Variants in HNRNPC observed in about 807,000 individuals in gnomAD.
The protein encoded by HNRNPC is heterogeneous nuclear ribonucleoprotein C.
Under a neutral mutation model 33.2 loss-of-function variants are expected in HNRNPC, and 3 were observed. The observed-to-expected ratio is 0.09, with a 90% confidence interval of 0.04 to 0.23. The LOEUF is 0.23. Ranked by LOEUF, HNRNPC falls within the 10% of genes least tolerant of loss-of-function variation. The pLI is 1.00. For synonymous variants in HNRNPC, 121 were observed against 126.7 expected, an observed-to-expected ratio of 0.96 and a Z score of 0.30; for missense variants, 143 against 366.7, an observed-to-expected ratio of 0.39 and a Z score of 4.98.
In HNRNPC at chr14:21,211,173, C is replaced by A. The variant is rs763684458; in HGVS notation, c.*50G>T. On this transcript the variant is annotated 3_prime_UTR_variant, in exon 9 of 9. Coordinates refer to ENST00000553300, the MANE Select transcript of HNRNPC (RefSeq NM_004500.4). ...GGTGAAAAATTTGATCTTAGACAAG[C>A]GCCTAGGTAAAGAAATAATGGGATA... 1.3e-6 allele frequency: 2 copies of A among 1,568,316 alleles called. No homozygotes were observed. Among genetic ancestry groups the A allele is most frequent in the Non-Finnish European group, 8.7e-7 (1 of 1,143,080 alleles).
chr14:21,227,592 G>A (rs1031462270), intron 5 of HNRNPC, among the ~76,000 whole-genome samples: 1 of 152,132 alleles, frequency 6.6e-6, no homozygotes, highest in Non-Finnish European at 1.5e-5. Context: ...ATATATTGTT[G>A]TCTATTGAAA....
intron 2 of HNRNPC, among the ~76,000 whole-genome samples, chr14:21,236,769 A>G (rs1056466671): frequency 6.6e-6 from 1 of 152,194 alleles, no homozygotes; most frequent in African/African-American, 2.4e-5. Flanking sequence ...ACTACTGGAA[A>G]AGAACTGGGA....
chr14:21,254,933 CA>C (rs78136622), intron 2 of HNRNPC, among the ~76,000 whole-genome samples: 36 of 133,048 alleles, frequency 2.7e-4, no homozygotes, highest in African/African-American at 3.6e-4. Context: ...AAAAAAAAAA[CA>C]AAAAAAAAAA....
At position 21,237,771 on chromosome 14, in the gene HNRNPC, AT is replaced by A. The variant is rs910725542; in HGVS notation, c.-36-3543del. Among the ~76,000 whole-genome samples, 813 of 149,732 alleles carry A rather than the reference AT, an allele frequency of 5.4e-3. 4 individuals carry two copies. The highest frequency in any genetic ancestry group is 0.012 in the African/African-American group (477 of 40,928). ...TAAGTAAAACAAACTCCTTGATCAC[AT>A]TTTTTTTTTAATTTTTTTGAGTTGG... On this transcript the variant is annotated intron_variant, in intron 2 of 8. Coordinates refer to ENST00000553300, the MANE Select transcript of HNRNPC (RefSeq NM_004500.4).
chr14:21,257,132 T>A (rs1055611060), intron 2 of HNRNPC, among the ~76,000 whole-genome samples: 1 of 152,184 alleles, frequency 6.6e-6, no homozygotes, highest in Non-Finnish European at 1.5e-5. Context: ...AGTTGACATA[T>A]TGGATATTCA....
intron 5 of HNRNPC, among the ~76,000 whole-genome samples, chr14:21,219,122 A>AAGAAG (rs1555351428): frequency 3.3e-5 from 5 of 150,392 alleles, no homozygotes; most frequent in Admixed American, 6.8e-5. Flanking sequence ...AAAAAAAAAA[A>AAGAAG]AAGAAGAAAA....
chr14:21,217,050 A>C (rs1892267016), intron 5 of HNRNPC, among the ~76,000 whole-genome samples: 1 of 152,226 alleles, frequency 6.6e-6, no homozygotes, highest in Admixed American at 6.5e-5. Flanking sequence ...CATGAACACA[A>C]TTAGGAGTCA....
intron 5 of HNRNPC, among the ~76,000 whole-genome samples, chr14:21,219,024 C>T (rs1442225427): frequency 1.3e-5 from 2 of 149,040 alleles, no homozygotes; most frequent in South Asian, 2.1e-4. Context: ...GCAGGAGAAT[C>T]GCTTGAACCC....
chr14:21,211,622 C>G (rs1476128124), intron 7 of HNRNPC, 56 bp from the exon 8 acceptor site: 1 of 1,555,444 alleles, frequency 6.4e-7, no homozygotes, highest in Non-Finnish European at 8.7e-7. Flanking sequence ...AGGACGTAGA[C>G]AATCCCCACT....
rs796436076 is a variant in HNRNPC at position 21,250,027 on chromosome 14, G to A, written c.-37+13284C>T. ...GGAAGGTCTTATTTCTAATATAACT[G>A]ATAATCTATATGAATGAAAATAACA... On this transcript the variant is annotated intron_variant, in intron 2 of 8. Transcript: ENST00000553300. Among the ~76,000 whole-genome samples, 35 of 152,136 alleles carry A rather than the reference G, an allele frequency of 2.3e-4. 1 individual carries two copies. Among genetic ancestry groups the A allele is most frequent in the African/African-American group, 8.2e-4 (34 of 41,498 alleles).
intron 5 of HNRNPC, among the ~76,000 whole-genome samples, chr14:21,219,459 C>T (rs1349576988): frequency 6.6e-6 from 1 of 152,188 alleles, no homozygotes; most frequent in Non-Finnish European, 1.5e-5. Context: ...TTAACAGTAC[C>T]TACCTTTGTC....
intron 2 of HNRNPC, among the ~76,000 whole-genome samples, chr14:21,256,701 T>A (rs191675497): frequency 2.6e-5 from 4 of 152,070 alleles, no homozygotes; most frequent in Non-Finnish European, 4.4e-5. Context: ...CAGGCTGGAG[T>A]GCAATGGTGC....
At position 21,211,927 on chromosome 14, in the gene HNRNPC, T is replaced by C. The variant is rs1205532837; in HGVS notation, c.524-4A>G. On this transcript the variant is annotated splice_polypyrimidine_tract_variant and splice_region_variant and intron_variant, in intron 6 of 8. Transcript: ENST00000553300. ...GCCTGAAGGTCATCTCCTTTCACTT[T>C]AATATAAACAAAATACTAGATTAAA... 1.3e-6 allele frequency: 2 copies of C among 1,594,314 alleles called. No homozygotes were observed. Among genetic ancestry groups the C allele is most frequent in the Non-Finnish European group, 8.6e-7 (1 of 1,162,972 alleles).
At chr14:21,249,600 A>C (rs1057134671) in intron 2 of HNRNPC, among the ~76,000 whole-genome samples, 26 of 145,306 alleles carry the variant, frequency 1.8e-4, no homozygotes, top group Admixed American at 4.1e-4. Context: ...AAACAAAAAA[A>C]AAAAAAAAAA....
At chr14:21,220,795 T>A (rs1892742489) in intron 5 of HNRNPC, among the ~76,000 whole-genome samples, 1 of 151,570 alleles carries the variant, frequency 6.6e-6, no homozygotes, top group South Asian at 2.1e-4. Context: ...TATCATACTT[T>A]ACCAAAAAAT....
At chr14:21,255,901 T>C (rs964200328) in intron 2 of HNRNPC, among the ~76,000 whole-genome samples, 6 of 152,160 alleles carry the variant, frequency 3.9e-5, no homozygotes, top group African/African-American at 1.4e-4. Context: ...GGGTAGCTTC[T>C]GAGTAAAAAG....
intron 5 of HNRNPC, among the ~76,000 whole-genome samples, chr14:21,215,714 A>C (rs148061817): frequency 2.0e-5 from 3 of 152,250 alleles, no homozygotes; most frequent in Non-Finnish European, 4.4e-5. Context: ...CCTGACCAAC[A>C]TGGGGAAACC....
intron 5 of HNRNPC, among the ~76,000 whole-genome samples, chr14:21,215,482 C>G (rs1215713347): frequency 6.6e-6 from 1 of 152,194 alleles, no homozygotes; most frequent in Non-Finnish European, 1.5e-5. Context: ...ACCAGGGGAA[C>G]AAGGACTAAA....
chr14:21,249,593 CAAAAAA>C (rs756880620), intron 2 of HNRNPC, among the ~76,000 whole-genome samples: 46 of 83,456 alleles, frequency 5.5e-4, no homozygotes, highest in African/African-American at 1.7e-3. Context: ...GTCTCAAAAA[CAAAAAA>C]AAAAAAAAAA....
Sources: allele counts gnomAD v4.1 joint callset (sites outside exome capture counted in the v4.1 genomes callset), GRCh38; gene constraint gnomAD v4.1.1; transcripts MANE v1.5; gene names NCBI Gene and HGNC (gene_info 2026-07-23, HGNC 2026-07-21).